The following PRUNE2 variants were observed in gnomAD, a reference collection of about 807,000 sequenced individuals.
PRUNE2 encodes prune homolog 2 with BCH domain.
A neutral mutation model predicts 252.0 loss-of-function variants in PRUNE2; 164 were observed. The ratio of observed to expected loss-of-function variants is 0.65; its 90% CI spans 0.57 to 0.74. PRUNE2 has a LOEUF of 0.74. PRUNE2 is among the 30% of genes least tolerant of loss of function. The pLI, the probability that PRUNE2 is intolerant of heterozygous loss-of-function variation, is 0.00. For synonymous variants in PRUNE2, 1,292 were observed against 1,350.2 expected (o/e 0.96, Z 0.94); for missense variants, 3,495 against 3,711.0 (o/e 0.94, Z 1.51).
chr9:76,863,643 C>A (rs1257517672), intron 1 of PRUNE2, among the ~76,000 whole-genome samples: 1 of 152,192 alleles, frequency 6.6e-6, no homozygotes, highest in African/African-American at 2.4e-5. Context: ...GAGTACTAAA[C>A]AACAGCAGCA....
chr9:76,678,102 G>T (rs773894268), intron 9 of PRUNE2, among the ~76,000 whole-genome samples: 1 of 152,056 alleles, frequency 6.6e-6, no homozygotes, highest in Non-Finnish European at 1.5e-5. Context: ...GGGCTTGGGG[G>T]CTCATGCCTG....
At chr9:76,888,405 T>C (rs1470187861) in intron 1 of PRUNE2, among the ~76,000 whole-genome samples, 1 of 152,024 alleles carries the variant, frequency 6.6e-6, no homozygotes, top group African/African-American at 2.4e-5. Flanking sequence ...GGTGAAACCT[T>C]GTCTTTACTA....
At chr9:76,854,247 T>C in intron 1 of PRUNE2, 39 bp from the exon 2 acceptor site, 1 of 1,108,776 alleles carries the variant, frequency 9.0e-7, no homozygotes, top group Non-Finnish European at 1.3e-6. Flanking sequence ...ATTTAACAGG[T>C]GACAGATTAA....
At chr9:76,642,851 G>T (rs772747667) in intron 12 of PRUNE2, among the ~76,000 whole-genome samples, 3 of 152,206 alleles carry the variant, frequency 2.0e-5, no homozygotes, top group Admixed American at 6.5e-5. Context: ...TTCCGGATGG[G>T]TGCAGCCAGA....
intron 9 of PRUNE2, among the ~76,000 whole-genome samples, chr9:76,693,394 C>T (rs530182029): frequency 2.7e-5 from 4 of 150,352 alleles, no homozygotes; most frequent in Admixed American, 2.6e-4. Context: ...AATTACTCAG[C>T]AGATGACCAC....
rs1188644282 is a variant in PRUNE2, at chr9:76,687,633, G to C, written c.8276+15704C>G. The C allele has an allele frequency of 2.1e-5, 9 of 423,868 alleles. No homozygotes were observed. In the Admixed American group the frequency reaches 2.3e-4, roughly 11 times the overall value. 26.3% of individuals were successfully genotyped at this position (423,868 alleles called of 1,614,324 possible). ...AGCTTCTTTCTGATACTCACTGTTT[G>C]TTTCTCAGGCCATTCATTCCGGTAG... On this transcript the variant is annotated intron_variant, in intron 9 of 18. Coordinates refer to ENST00000376718, the MANE Select transcript of PRUNE2 (RefSeq NM_015225.3).
chr9:76,691,953 C>A, intron 9 of PRUNE2: 1 of 657,440 alleles, frequency 1.5e-6, no homozygotes, highest in Non-Finnish European at 2.8e-6. Context: ...CCTCTCATCC[C>A]CCTCCCGTCT....
In PRUNE2 at chr9:76,710,615, T is replaced by C. The variant is rs769482037; in HGVS notation, c.1659A>G (p.Ser553=). 3.1e-6 allele frequency: 5 copies of C among 1,613,442 alleles called. No homozygotes were observed. The highest frequency in any genetic ancestry group is 1.1e-5 in the South Asian group (1 of 90,932). Residue 553 remains serine (S), a synonymous_variant, in exon 8 of 19, where the codon TCA becomes TCG. Coordinates refer to ENST00000376718, the MANE Select transcript of PRUNE2 (RefSeq NM_015225.3). ...GTNMSNYSSS[S]LLSGAGKDSL... ...TATCTTTGCCAGCCCCTGACAAAAG[T>C]GAACTGGATGAATAATTAGACATGT...
At chr9:76,702,402 C>G (rs542445139) in intron 9 of PRUNE2, among the ~76,000 whole-genome samples, 1 of 152,096 alleles carries the variant, frequency 6.6e-6, no homozygotes, top group Non-Finnish European at 1.5e-5. Flanking sequence ...CATGACTTTC[C>G]CCGTTACTTA....
At chr9:76,695,087 G>C (rs1251292836) in intron 9 of PRUNE2, among the ~76,000 whole-genome samples, 4 of 152,128 alleles carry the variant, frequency 2.6e-5, no homozygotes, top group African/African-American at 7.2e-5. Flanking sequence ...CTGGGCTGAA[G>C]TGCAGTGGTA....
intron 1 of PRUNE2, among the ~76,000 whole-genome samples, chr9:76,859,686 CTTGTTTGTTTGT>C (rs35532918): frequency 1.2e-3 from 185 of 150,382 alleles, no homozygotes; most frequent in African/African-American, 3.4e-3. Context: ...GGCTAGGGTG[CTTGTTTGTTTGT>C]TTGTTTGTTT....
At chr9:76,878,233 C>T (rs1409792681) in intron 1 of PRUNE2, among the ~76,000 whole-genome samples, 1 of 151,910 alleles carries the variant, frequency 6.6e-6, no homozygotes, top group Non-Finnish European at 1.5e-5. Context: ...TGAAGATGGC[C>T]AAAGAGAAGG....
chr9:76,797,389 G>A (rs2056191102), intron 6 of PRUNE2, among the ~76,000 whole-genome samples: 1 of 152,026 alleles, frequency 6.6e-6, no homozygotes, highest in Non-Finnish European at 1.5e-5. Flanking sequence ...GTTTTTGTTT[G>A]TTTGTTTGTT....
intron 4 of PRUNE2, 51 bp downstream of exon 4, chr9:76,846,464 G>A: frequency 6.6e-7 from 1 of 1,506,958 alleles, no homozygotes; most frequent in Non-Finnish European, 9.1e-7. Context: ...AGCAGGCTGG[G>A]AGACACTCCA....
chr9:76,705,307 T>C lies in PRUNE2; in HGVS notation c.6967A>G (p.Thr2323Ala), dbSNP rs1388663835. 1 of 1,613,940 alleles carries C rather than the reference T, an allele frequency of 6.2e-7. No individual in the cohort carries two copies. The highest frequency in any genetic ancestry group is 1.7e-5 in the Admixed American group (1 of 60,014). Residue 2323 changes from threonine to alanine, a missense_variant, in exon 8 of 19, where the codon ACA (threonine) becomes GCA (alanine). Thr to Ala is a moderately conservative substitution (Grantham distance 58, BLOSUM62 0). Coordinates refer to ENST00000376718, the MANE Select transcript of PRUNE2 (RefSeq NM_015225.3). ...TGTIDDMSKL[T>A]LSEGHPETPV... ...GTTTCCGGATGGCCTTCGGATAATG[T>C]CAGTTTACTCATGTCATCTATTGTT... is the stretch of plus-strand genomic sequence containing the variant.
Position 76,906,057 on chromosome 9 carries a change from C to A in PRUNE2, c.-94G>T. 2.2e-6 allele frequency: 3 copies of A among 1,387,848 alleles called. No homozygotes were observed. The highest frequency in any genetic ancestry group is 2.3e-5 in the South Asian group (2 of 86,102). The allele number at this position is 1,387,848 out of a possible 1,614,324, so 86.0% of individuals were successfully genotyped here. A position where few individuals can be genotyped will look rare whatever the true frequency, so the allele number is the denominator to read the frequency against. ...CGAGCGGGGTCCCGGGAAAGTGGCC[C>A]GCCGGGGCGCAGCGACCGACTGCTC... On this transcript the variant is annotated 5_prime_UTR_variant, in exon 1 of 19. Transcript: ENST00000376718.
chr9:76,760,371 AG>A (rs1254821229), intron 6 of PRUNE2, among the ~76,000 whole-genome samples: 1 of 152,152 alleles, frequency 6.6e-6, no homozygotes, highest in Non-Finnish European at 1.5e-5. Context: ...CTCATCACCT[AG>A]GGCAGATATT....
At chr9:76,820,796 G>T (rs2057994381) in intron 6 of PRUNE2, among the ~76,000 whole-genome samples, 1 of 152,122 alleles carries the variant, frequency 6.6e-6, no homozygotes, top group Non-Finnish European at 1.5e-5. Flanking sequence ...GAAACTGGTT[G>T]GGAGAGGAAA....
At chr9:76,897,390 C>CTATTTTT (rs1564527202) in intron 1 of PRUNE2, among the ~76,000 whole-genome samples, 1 of 56,252 alleles carries the variant, frequency 1.8e-5, no homozygotes, top group Admixed American at 2.5e-4. Flanking sequence ...AGGCAAACCT[C>CTATTTTT]TTTTTTTTTT....
Sources: gnomAD v4.1 joint callset for allele counts (sites outside exome capture counted in the v4.1 genomes callset) on GRCh38, gnomAD v4.1.1 for gene constraint, MANE v1.5 for transcripts, NCBI Gene and HGNC (gene_info 2026-07-23, HGNC 2026-07-21) for gene names.